Variants in DNAJC16 observed in about 807,000 individuals in gnomAD.
The protein encoded by DNAJC16 is DnaJ heat shock protein family (Hsp40) member C16.
A neutral mutation model predicts 92.7 loss-of-function variants in DNAJC16; 76 were observed. The observed-to-expected ratio is 0.82, with a 90% CI of 0.68 to 0.99. The LOEUF is 0.99. DNAJC16 is among the 50% of genes least tolerant of loss of function. The pLI is 0.00. For missense variants in DNAJC16, 869 were observed against 942.4 expected, an observed-to-expected ratio of 0.92 and a Z score of 1.02; for synonymous variants, 328 against 358.7, an observed-to-expected ratio of 0.91 and a Z score of 0.97.
chr1:15,552,942 G>C (rs113612815), intron 7 of DNAJC16, among the ~76,000 whole-genome samples: 1,740 of 151,326 alleles, frequency 0.011, 40 homozygotes, highest in African/African-American at 0.039. Flanking sequence ...TAATTTTTTT[G>C]TATTTTTAAT....
At position 15,567,879 on chromosome 1, in the gene DNAJC16, AAT is replaced by A; in HGVS notation, c.2054_2055del (p.Tyr685Ter). The stretch of plus-strand genomic sequence containing the variant: ...CAAGATGCAGCTCCAATCCCAAACC[AAT>A]ATGATAAGCATTTCATGGAGCGTGA... On this transcript the variant is annotated frameshift_variant, in exon 15 of 15. Coordinates refer to ENST00000375847, the MANE Select transcript of DNAJC16 (RefSeq NM_015291.4). LOFTEE classifies it high-confidence loss of function. 6.2e-7 allele frequency: 1 copy of A among 1,614,224 alleles called. No individual in the cohort carries two copies. The highest frequency in any genetic ancestry group is 8.5e-7 in the Non-Finnish European group (1 of 1,180,036).
chr1:15,539,038 G>C (rs935303120), intron 4 of DNAJC16, among the ~76,000 whole-genome samples: 6 of 152,116 alleles, frequency 3.9e-5, no homozygotes, highest in African/African-American at 1.4e-4. Context: ...TAAAGGGTGT[G>C]ATATGTGTTT....
intron 7 of DNAJC16, among the ~76,000 whole-genome samples, chr1:15,558,830 G>A (rs533946188): frequency 6.6e-6 from 1 of 152,230 alleles, no homozygotes; most frequent in East Asian, 1.9e-4. Flanking sequence ...TTGTTGCTTT[G>A]GGATTTATTT....
intron 2 of DNAJC16, among the ~76,000 whole-genome samples, chr1:15,532,212 T>C (rs1365014995): frequency 6.6e-6 from 1 of 152,236 alleles, no homozygotes. Flanking sequence ...AATTCTTTGC[T>C]GTATTACCTT....
intron 2 of DNAJC16, among the ~76,000 whole-genome samples, chr1:15,532,439 A>G (rs1710681663): frequency 1.3e-5 from 2 of 152,166 alleles, no homozygotes; most frequent in South Asian, 2.1e-4. Flanking sequence ...CAATTAGGAA[A>G]GTATTCCGTA....
Position 15,564,353 on chromosome 1 carries a change from A to G in DNAJC16, c.1592A>G (p.Asn531Ser), listed in dbSNP as rs1638762511. 3 of 1,595,442 alleles carry G rather than the reference A, an allele frequency of 1.9e-6. No homozygotes were observed. The highest frequency in any genetic ancestry group is 1.7e-6 in the Non-Finnish European group (2 of 1,162,928). Residue 531 changes from asparagine to serine, a missense_variant, in exon 11 of 15, where the codon AAC becomes AGC. Coordinates refer to ENST00000375847, the MANE Select transcript of DNAJC16 (RefSeq NM_015291.4). ...GACTGCTGGGATAGCATTTTTCACA[A>G]CAACTGGTAGGGATATTGCCAGGCT... ...ISDCWDSIFH[N>S]NWREMMPLLS...
intron 5 of DNAJC16, among the ~76,000 whole-genome samples, chr1:15,545,515 G>A (rs1332927493): frequency 1.3e-5 from 2 of 152,230 alleles, no homozygotes; most frequent in Non-Finnish European, 2.9e-5. Context: ...GTTATTTCCA[G>A]TATGTTGGAG....
chr1:15,528,963 C>A, intron 1 of DNAJC16, 125 bp from the exon 2 acceptor site: 2 of 755,152 alleles, frequency 2.6e-6, no homozygotes, highest in Middle Eastern at 4.1e-4. Flanking sequence ...AACAGCTTGA[C>A]ACTTTTCCTG....
chr1:15,553,624 G>A (rs752186674), intron 7 of DNAJC16, among the ~76,000 whole-genome samples: 5 of 152,098 alleles, frequency 3.3e-5, no homozygotes, highest in Non-Finnish European at 5.9e-5. Context: ...GAGGTGTGAA[G>A]CTCAGTGAAT....
rs554028100 is a variant in DNAJC16, at chr1:15,567,305, T to TGA, written c.1949+48_1949+49dup. The TGA allele has an allele frequency of 1.5e-4, 233 of 1,576,276 alleles. No homozygotes were observed. In the East Asian group the frequency reaches 1.7e-3, roughly 11 times the overall value. On this transcript the variant is annotated intron_variant, in intron 14 of 14. Coordinates refer to ENST00000375847, the MANE Select transcript of DNAJC16 (RefSeq NM_015291.4). ...GTGTGTGTGCATGTATGTATGTGTG[T>TGA]GAGAGAGAGAGAGGCAGGCACACTG...
intron 7 of DNAJC16, among the ~76,000 whole-genome samples, chr1:15,555,839 A>G (rs1033680724): frequency 6.6e-6 from 1 of 151,722 alleles, no homozygotes; most frequent in African/African-American, 2.4e-5. Flanking sequence ...TAAAAATACA[A>G]AATTAGCCGG....
rs555647055 is a variant in DNAJC16, at chr1:15,563,513, G to A, written c.1339-416G>A. On this transcript the variant is annotated intron_variant, in intron 9 of 14. Transcript: ENST00000375847. The stretch of plus-strand genomic sequence containing the variant: ...CATTGCACTCCAGCCTGGGAGACAA[G>A]GGCGAAACTCTGTCTCAAAAAACAA... Among the ~76,000 whole-genome samples, 141 of 140,326 alleles carry A rather than the reference G, an allele frequency of 1.0e-3. 1 individual carries two copies. Among genetic ancestry groups the A allele is most frequent in the African/African-American group, 3.7e-3 (139 of 37,514 alleles). The allele number at this position is 140,326 out of a possible 152,430, so 92.1% of individuals were successfully genotyped here.
chr1:15,544,734 T>A, intron 5 of DNAJC16, 151 bp downstream of exon 5: 1 of 740,296 alleles, frequency 1.4e-6, no homozygotes, highest in Non-Finnish European at 2.1e-6. Flanking sequence ...TTACTCAAAC[T>A]AAATCGTTTA....
chr1:15,542,261 G>T (rs890554765), intron 4 of DNAJC16: 2 of 152,268 alleles, frequency 1.3e-5, no homozygotes, highest in African/African-American at 2.4e-5. Context: ...TGGGAGAGGC[G>T]TTTGAGTAAG....
intron 9 of DNAJC16, among the ~76,000 whole-genome samples, chr1:15,563,130 A>C (rs1638727296): frequency 6.6e-6 from 1 of 151,856 alleles, no homozygotes; most frequent in South Asian, 2.1e-4. Context: ...AAATCTCTCT[A>C]AAAAACAAAG....
chr1:15,551,924 G>A (rs897351688), intron 7 of DNAJC16, among the ~76,000 whole-genome samples: 4 of 151,908 alleles, frequency 2.6e-5, no homozygotes, highest in South Asian at 4.2e-4. Context: ...CCAGCTACCC[G>A]GGAGGCTGAG....
intron 4 of DNAJC16, among the ~76,000 whole-genome samples, chr1:15,537,527 CTT>C: frequency 6.6e-6 from 1 of 152,236 alleles, no homozygotes; most frequent in South Asian, 2.1e-4. Context: ...CAAGAAATTC[CTT>C]CTGTATTTTC....
In DNAJC16 at chr1:15,569,755, C is replaced by T. The variant is rs1472488930; in HGVS notation, c.*1578C>T. 2.0e-5 allele frequency: 3 copies of T among 151,688 alleles called. No individual in the cohort carries two copies. The highest frequency in any genetic ancestry group is 4.4e-5 in the Non-Finnish European group (3 of 68,000). 9.4% of individuals were successfully genotyped at this position (151,688 alleles called of 1,614,324 possible). On this transcript the variant is annotated 3_prime_UTR_variant, in exon 15 of 15. Transcript: ENST00000375847. ...TCCCAGGTTCAAGTGATTCTCCTGC[C>T]TCAGCCTCCTGAGTAGCTAGGATTA...
chr1:15,533,374 C>T (rs1557569180), intron 2 of DNAJC16, among the ~76,000 whole-genome samples: 1 of 152,196 alleles, frequency 6.6e-6, no homozygotes, highest in Non-Finnish European at 1.5e-5. Flanking sequence ...CGCCTGTATT[C>T]CCAACACTTT....
Sources: allele counts gnomAD v4.1 joint callset (sites outside exome capture counted in the v4.1 genomes callset), GRCh38; gene constraint gnomAD v4.1.1; transcripts MANE v1.5; gene names NCBI Gene and HGNC (gene_info 2026-07-23, HGNC 2026-07-21).